PPTC7: variants seen among roughly 807,000 people sequenced by gnomAD.
PPTC7 encodes protein phosphatase PTC7 homolog.
A neutral mutation model predicts 30.8 loss-of-function variants in PPTC7; 6 were observed. That is an observed-to-expected ratio of 0.19 (90% CI 0.11 to 0.38). PPTC7 has a LOEUF of 0.38. Among genes scored for constraint, PPTC7 ranks in the 10% least tolerant of loss-of-function variants. The pLI, the probability that PPTC7 is intolerant of heterozygous loss-of-function variation, is 1.00. For synonymous variants in PPTC7, 163 were observed against 168.1 expected, an observed-to-expected ratio of 0.97 and a Z score of 0.23; for missense variants, 218 against 404.8, an observed-to-expected ratio of 0.54 and a Z score of 3.96.
intron 1 of PPTC7, among the ~76,000 whole-genome samples, chr12:110,556,079 G>A (rs763310864): frequency 1.3e-5 from 2 of 152,174 alleles, no homozygotes; most frequent in Non-Finnish European, 2.9e-5. Flanking sequence ...CTAAGATAAC[G>A]TTTAGAGTTG....
intron 2 of PPTC7, among the ~76,000 whole-genome samples, chr12:110,550,774 C>G (rs1041176989): frequency 6.6e-6 from 1 of 152,108 alleles, no homozygotes; most frequent in Non-Finnish European, 1.5e-5. Context: ...ACAAGATTAT[C>G]GGGGATCTAA....
chr12:110,546,345 G>A (rs2064305865), intron 2 of PPTC7: 1 of 447,938 alleles, frequency 2.2e-6, no homozygotes, highest in Non-Finnish European at 4.1e-6. Flanking sequence ...TTGACAGAAA[G>A]CAATAAAAAT....
rs933124228 is a variant in PPTC7, at chr12:110,582,987, C to T, written c.45G>A (p.Val15=). ...LSYGRLVARA[V]LGGLSQTDPR... The stretch of plus-strand genomic sequence containing the variant: ...GGTCGGTCTGCGAGAGGCCGCCGAG[C>T]ACGGCGCGGGCCACCAGCCGCCCGT... Residue 15 remains valine (V), a synonymous_variant, in exon 1 of 6, where the codon GTG becomes GTA. Transcript: ENST00000354300. 2.6e-6 allele frequency: 4 copies of T among 1,522,154 alleles called. No individual in the cohort carries two copies. The highest frequency in any genetic ancestry group is 4.1e-5 in the Admixed American group (2 of 48,658). The allele number at this position is 1,522,154 out of a possible 1,614,324, so 94.3% of individuals were successfully genotyped here. A position where few individuals can be genotyped will look rare whatever the true frequency, so the allele number is the denominator to read the frequency against.
Position 110,567,932 on chromosome 12 carries a change from T to C in PPTC7, c.223+14877A>G, listed in dbSNP as rs563602342. Among the ~76,000 whole-genome samples the C allele has an allele frequency of 2.0e-5, 3 of 152,248 alleles. No individual in the cohort carries two copies. The South Asian group carries it at 6.2e-4, about 32-fold the overall frequency. ...GAACACCTTTTAAATTCTGTACCAT[T>C]TGAATGTGCTGCCTCTTCAAAAGCA... On this transcript the variant is annotated intron_variant, in intron 1 of 5. Transcript: ENST00000354300.
At chr12:110,559,730 GAAAAA>G (rs770672237) in intron 1 of PPTC7, among the ~76,000 whole-genome samples, 3 of 89,682 alleles carry the variant, frequency 3.3e-5, no homozygotes, top group East Asian at 3.4e-4. Context: ...AGCCTCAGGG[GAAAAA>G]AAAAAAAAAA....
At chr12:110,540,819 A>G (rs2064253251) in intron 3 of PPTC7, among the ~76,000 whole-genome samples, 1 of 149,646 alleles carries the variant, frequency 6.7e-6, no homozygotes, top group Non-Finnish European at 1.5e-5. Flanking sequence ...TCTGTCGCCC[A>G]GGCTGGAGTT....
chr12:110,562,541 C>T (rs2064447157), intron 1 of PPTC7, among the ~76,000 whole-genome samples: 1 of 152,088 alleles, frequency 6.6e-6, no homozygotes, highest in Non-Finnish European at 1.5e-5. Context: ...CACCTATAAT[C>T]CCGCACTTTG....
chr12:110,561,615 C>T (rs1447817350), intron 1 of PPTC7, among the ~76,000 whole-genome samples: 1 of 152,204 alleles, frequency 6.6e-6, no homozygotes, highest in Non-Finnish European at 1.5e-5. Flanking sequence ...TGAGCAACCG[C>T]ATCCAGCCTA....
intron 2 of PPTC7, among the ~76,000 whole-genome samples, chr12:110,548,221 T>C (rs1168797190): frequency 6.6e-6 from 1 of 152,084 alleles, no homozygotes; most frequent in South Asian, 2.1e-4. Flanking sequence ...TATGCACACA[T>C]ACACACAGAA....
At chr12:110,573,906 G>T (rs187688723) in intron 1 of PPTC7, among the ~76,000 whole-genome samples, 1 of 151,878 alleles carries the variant, frequency 6.6e-6, no homozygotes, top group Non-Finnish European at 1.5e-5. Context: ...GCTTGAACCC[G>T]GGAGGCGGAG....
At chr12:110,547,396 G>C (rs775277601) in intron 2 of PPTC7, among the ~76,000 whole-genome samples, 1 of 152,122 alleles carries the variant, frequency 6.6e-6, no homozygotes, top group Non-Finnish European at 1.5e-5. Flanking sequence ...AGGGATAACA[G>C]TAAGTACCTC....
At chr12:110,567,586 T>A (rs1031206092) in intron 1 of PPTC7, among the ~76,000 whole-genome samples, 1 of 152,212 alleles carries the variant, frequency 6.6e-6, no homozygotes, top group Non-Finnish European at 1.5e-5. Context: ...TCACCAAGCC[T>A]ACCATGAGTC....
chr12:110,540,838 C>T lies in PPTC7; in HGVS notation c.603-893G>A, dbSNP rs562389732. 1.4e-3 allele frequency among the ~76,000 whole-genome samples: 211 copies of T among 151,506 alleles called. 1 individual carries two copies. Among genetic ancestry groups the T allele is most frequent in the African/African-American group, 4.8e-3 (198 of 41,312 alleles). Reference sequence around the variant, plus strand: ...TCGCCCAGGCTGGAGTTCAGTGGCGCGATCTCGGCTCACTGCGAGCTCCGC... The same window carrying T: ...TCGCCCAGGCTGGAGTTCAGTGGCGTGATCTCGGCTCACTGCGAGCTCCGC... On this transcript the variant is annotated intron_variant, in intron 3 of 5. Coordinates refer to ENST00000354300, the MANE Select transcript of PPTC7 (RefSeq NM_139283.2).
chr12:110,553,085 A>G (rs1227874434), intron 1 of PPTC7, among the ~76,000 whole-genome samples: 2 of 151,850 alleles, frequency 1.3e-5, no homozygotes, highest in Non-Finnish European at 2.9e-5. Context: ...CAGGAGGCTG[A>G]GGCTGGAGAA....
intron 1 of PPTC7, among the ~76,000 whole-genome samples, chr12:110,564,858 G>A (rs570099668): frequency 6.5e-4 from 89 of 136,834 alleles, no homozygotes; most frequent in African/African-American, 2.4e-3. Context: ...ACACGTATAT[G>A]TATATGTGTA....
intron 2 of PPTC7, 123 bp from the exon 3 acceptor site, chr12:110,546,201 T>C: frequency 1.4e-6 from 1 of 733,584 alleles, no homozygotes; most frequent in East Asian, 2.7e-5. Context: ...AAACAGGACC[T>C]TTCTTAGTTA....
chr12:110,580,923 T>A lies in PPTC7; in HGVS notation c.223+1886A>T, dbSNP rs141451700. Among the ~76,000 whole-genome samples the A allele has an allele frequency of 3.1e-3, 467 of 152,194 alleles. 5 individuals carry two copies. The highest frequency in any genetic ancestry group is 0.011 in the African/African-American group (438 of 41,554). ...TGCGCCATCACGCCCGGCTAATTTT[T>A]GTATTTTTAGTAAAGACTGGGTTTC... On this transcript the variant is annotated intron_variant, in intron 1 of 5. Transcript: ENST00000354300.
chr12:110,574,161 A>T (rs2064567233), intron 1 of PPTC7, among the ~76,000 whole-genome samples: 1 of 149,224 alleles, frequency 6.7e-6, no homozygotes, highest in Non-Finnish European at 1.5e-5. Flanking sequence ...AAAAAAAAAA[A>T]AAAAAAAAAA....
intron 1 of PPTC7, among the ~76,000 whole-genome samples, chr12:110,568,898 T>C (rs914738837): frequency 3.9e-5 from 6 of 152,266 alleles, no homozygotes; most frequent in Middle Eastern, 3.4e-3. Flanking sequence ...GCCTGTAGTC[T>C]CAACTACTTG....
Sources: gnomAD v4.1 joint callset for allele counts (sites outside exome capture counted in the v4.1 genomes callset) on GRCh38, gnomAD v4.1.1 for gene constraint, MANE v1.5 for transcripts, NCBI Gene and HGNC (gene_info 2026-07-23, HGNC 2026-07-21) for gene names.